The following SP100 variants were observed in gnomAD, a reference collection of about 807,000 sequenced individuals.
SP100 encodes SP100 nuclear body protein, also known as nuclear autoantigen Sp-100.
SP100 carries 84 observed loss-of-function variants against 130.0 expected under a neutral mutation model. That is an observed-to-expected ratio of 0.65 (90% CI 0.54 to 0.77). SP100 has a LOEUF of 0.77. Among genes scored for constraint, SP100 ranks in the 30% least tolerant of loss-of-function variants. The pLI, the probability that SP100 is intolerant of heterozygous loss-of-function variation, is 0.00. For missense variants in SP100, 978 were observed against 1,052.2 expected (o/e 0.93, Z 0.97); for synonymous variants, 331 against 351.7 (o/e 0.94, Z 0.66).
At chr2:230,435,600 A>G (rs751595633) in intron 2 of SP100, among the ~76,000 whole-genome samples, 30 of 152,160 alleles carry the variant, frequency 2.0e-4, no homozygotes, top group Non-Finnish European at 4.4e-4. Context: ...TGTGCAGGAT[A>G]TGCAGATTTG....
At chr2:230,423,644 T>C (rs924064453) in intron 2 of SP100, among the ~76,000 whole-genome samples, 4 of 152,238 alleles carry the variant, frequency 2.6e-5, no homozygotes, top group African/African-American at 7.2e-5. Context: ...AAATGCATTT[T>C]AGGCCATGAA....
At position 230,544,309 on chromosome 2, in the gene SP100, A is replaced by G. The variant is rs575506940; in HGVS notation, c.*1363A>G. The stretch of plus-strand genomic sequence containing the variant: ...CAAATGGGATCTAATTAAACTTAAG[A>G]GATTCTGCACAGCAAAAGAAACAAT... On this transcript the variant is annotated 3_prime_UTR_variant, in exon 29 of 29. Transcript: ENST00000340126. 5.3e-5 allele frequency among the ~76,000 whole-genome samples: 8 copies of G among 152,354 alleles called. No homozygotes were observed. In the South Asian group the frequency reaches 6.2e-4, roughly 12 times the overall value.
rs539436938 is a variant in SP100 at position 230,511,037 on chromosome 2, C to T, written c.2053-88C>T. ...ACAAAAGAAGGGCTGTGGCATGAAT[C>T]CCTTAAAAATAAAGAAGTCTGTTCA... On this transcript the variant is annotated intron_variant, in intron 23 of 28. Coordinates refer to ENST00000340126, the MANE Select transcript of SP100 (RefSeq NM_001080391.2). The T allele has an allele frequency of 2.0e-4, 176 of 868,100 alleles. No homozygotes were observed. In the African/African-American group the frequency reaches 2.7e-3, roughly 13 times the overall value. 53.8% of individuals were successfully genotyped at this position (868,100 alleles called of 1,614,324 possible).
intron 17 of SP100, among the ~76,000 whole-genome samples, chr2:230,479,913 G>A (rs1008592297): frequency 6.6e-6 from 1 of 152,170 alleles, no homozygotes; most frequent in Non-Finnish European, 1.5e-5. Context: ...CATGATTTGG[G>A]CATCTTGACC....
In SP100 at chr2:230,434,631, G is replaced by A. The variant is rs145025913; in HGVS notation, c.108-8306G>A. On this transcript the variant is annotated intron_variant, in intron 2 of 28. Coordinates refer to ENST00000340126, the MANE Select transcript of SP100 (RefSeq NM_001080391.2). Reference sequence around the variant, plus strand: ...AAAATAGAGGCAGATTAGGAGCTTGGGAGTGTGGGGGCAGGCTAAGGGGAT... The same window carrying A: ...AAAATAGAGGCAGATTAGGAGCTTGAGAGTGTGGGGGCAGGCTAAGGGGAT... Among the ~76,000 whole-genome samples the A allele has an allele frequency of 9.2e-3, 1,404 of 152,252 alleles. 22 individuals carry two copies. Among genetic ancestry groups the A allele is most frequent in the African/African-American group, 0.032 (1,344 of 41,560 alleles).
intron 17 of SP100, 56 bp downstream of exon 17, chr2:230,474,503 A>T (rs1359659666): frequency 1.2e-6 from 1 of 840,714 alleles, no homozygotes; most frequent in Admixed American, 2.2e-5. Context: ...CTATTTTTTA[A>T]TGCTAAGGTT....
intron 4 of SP100, among the ~76,000 whole-genome samples, 166 bp downstream of exon 4, chr2:230,444,512 T>C (rs1438233872): frequency 6.6e-6 from 1 of 152,186 alleles, no homozygotes; most frequent in African/African-American, 2.4e-5. Flanking sequence ...CGTATGGCTA[T>C]GGTAAAACAA....
chr2:230,462,484 A>T lies in SP100; in HGVS notation c.1023A>T (p.Leu341Phe), dbSNP rs755227819. The T allele has an allele frequency of 2.0e-5, 32 of 1,613,830 alleles. No individual in the cohort carries two copies. Among genetic ancestry groups the T allele is most frequent in the Non-Finnish European group, 2.7e-5 (32 of 1,179,902 alleles). Residue 341 changes from leucine to phenylalanine, a missense_variant, in exon 10 of 29, where the codon TTA becomes TTT. Transcript: ENST00000340126. ...GATCCACTGACGTTGATGAGCCCTT[A>T]GAAGTCTTCATCTCAGCACCGAGAA... ...SEGSTDVDEP[L>F]EVFISAPRSE... is the part of the protein sequence containing the mutation.
intron 24 of SP100, among the ~76,000 whole-genome samples, chr2:230,520,364 G>C (rs1474249796): frequency 6.6e-6 from 1 of 152,168 alleles, no homozygotes; most frequent in East Asian, 1.9e-4. Flanking sequence ...GCTAAGGAAA[G>C]GTTGTCCCAT....
At chr2:230,448,209 A>C (rs1294542069) in intron 5 of SP100, among the ~76,000 whole-genome samples, 1 of 152,134 alleles carries the variant, frequency 6.6e-6, no homozygotes, top group Non-Finnish European at 1.5e-5. Flanking sequence ...ATGTAGAGAG[A>C]CTCAGAAAGG....
At chr2:230,444,498 A>G (rs1006469034) in intron 4 of SP100, 152 bp downstream of exon 4, 64 of 626,190 alleles carry the variant, frequency 1.0e-4, no homozygotes, top group Non-Finnish European at 8.2e-6. Flanking sequence ...CTCTTAGCTC[A>G]TGGCGTATGG....
At position 230,506,970 on chromosome 2, in the gene SP100, A is replaced by G. The variant is rs141326872; in HGVS notation, c.2013+525A>G. ...CATTGCTTCTCATATGAACCCCTTG[A>G]TGTTACAAAGCAGGCACAGGGTCTT... is the stretch of plus-strand genomic sequence containing the variant. On this transcript the variant is annotated intron_variant, in intron 22 of 28. Transcript: ENST00000340126. The G allele has an allele frequency of 1.8e-4, 27 of 152,702 alleles. No individual in the cohort carries two copies. In the East Asian group the frequency reaches 5.2e-3, roughly 29 times the overall value. The allele number at this position is 152,702 out of a possible 1,614,324, so 9.5% of individuals were successfully genotyped here.
chr2:230,433,438 C>T (rs2063154034), intron 2 of SP100, among the ~76,000 whole-genome samples: 1 of 152,096 alleles, frequency 6.6e-6, no homozygotes. Context: ...AGTCTTCCAA[C>T]TTTTTTCTTC....
chr2:230,541,435 A>T lies in SP100; in HGVS notation c.2403+63A>T, dbSNP rs371060229. On this transcript the variant is annotated intron_variant, in intron 27 of 28. Transcript: ENST00000340126. ...TTGTCAAATCTGTGATCTGAATCCC[A>T]TGGCACAAGGTGCCATTCTATTTGG... 5.8e-6 allele frequency: 8 copies of T among 1,389,672 alleles called. No individual in the cohort carries two copies. In the African/African-American group the frequency reaches 1.1e-4, roughly 20 times the overall value. The allele number at this position is 1,389,672 out of a possible 1,614,324, so 86.1% of individuals were successfully genotyped here. A position where few individuals can be genotyped will look rare whatever the true frequency, so the allele number is the denominator to read the frequency against.
intron 17 of SP100, among the ~76,000 whole-genome samples, chr2:230,483,971 G>A (rs1331254057): frequency 6.6e-6 from 1 of 151,940 alleles, no homozygotes; most frequent in Admixed American, 6.6e-5. Context: ...TATTACTATT[G>A]AACTCATATC....
chr2:230,520,638 C>G (rs1691129038), intron 24 of SP100: 1 of 152,216 alleles, frequency 6.6e-6, no homozygotes, highest in African/African-American at 2.4e-5. Context: ...CTCCAAAATT[C>G]TGCCAACTAC....
chr2:230,496,055 C>T (rs1030703139), intron 18 of SP100, among the ~76,000 whole-genome samples: 1 of 152,038 alleles, frequency 6.6e-6, no homozygotes, highest in Admixed American at 6.6e-5. Flanking sequence ...TATTTCTATA[C>T]CTATCTGTCA....
chr2:230,489,577 G>A (rs2066287390), intron 17 of SP100, among the ~76,000 whole-genome samples: 1 of 151,830 alleles, frequency 6.6e-6, no homozygotes, highest in African/African-American at 2.4e-5. Context: ...GTTTGCTCTT[G>A]TCTCTCTGGC....
At chr2:230,475,459 T>A (rs1358181280) in intron 17 of SP100, among the ~76,000 whole-genome samples, 2 of 152,226 alleles carry the variant, frequency 1.3e-5, no homozygotes, top group African/African-American at 4.8e-5. Context: ...ATGCACAGTT[T>A]GCAAAAATTT....
Sources: allele counts gnomAD v4.1 joint callset (sites outside exome capture counted in the v4.1 genomes callset), GRCh38; gene constraint gnomAD v4.1.1; transcripts MANE v1.5; gene names NCBI Gene and HGNC (gene_info 2026-07-23, HGNC 2026-07-21).